The following UBXN8 variants were observed in gnomAD, a reference collection of about 807,000 sequenced individuals.
UBXN8 encodes the protein UBX domain-containing protein 8.
Under a neutral mutation model 32.1 loss-of-function variants are expected in UBXN8, and 27 were observed. The observed-to-expected ratio is 0.84, with a 90% CI of 0.62 to 1.16. The LOEUF is 1.16. Among genes scored for constraint, UBXN8 ranks in the 50% most tolerant of loss-of-function variants. UBXN8 has a pLI of 0.00. For missense variants in UBXN8, 306 were observed against 311.4 expected (o/e 0.98, Z 0.13); for synonymous variants, 109 against 111.8 (o/e 0.98, Z 0.16).
Position 30,752,112 on chromosome 8 carries a change from G to A in UBXN8, c.211+594G>A, listed in dbSNP as rs574915670. Among the ~76,000 whole-genome samples the A allele has an allele frequency of 7.2e-5, 11 of 152,082 alleles. No individual in the cohort carries two copies. The East Asian group carries it at 1.4e-3, about 19-fold the overall frequency. Reference sequence around the variant, plus strand: ...TCACCATGTTTACCAGGATGGTCTCGATCTCTTGACCTCGTGATCCGCCCA... The same window carrying A: ...TCACCATGTTTACCAGGATGGTCTCAATCTCTTGACCTCGTGATCCGCCCA... On this transcript the variant is annotated intron_variant, in intron 2 of 7. Transcript: ENST00000265616.
intron 3 of UBXN8, 49 bp from the exon 4 acceptor site, chr8:30,754,616 T>C: frequency 6.6e-7 from 1 of 1,513,262 alleles, no homozygotes; most frequent in South Asian, 1.4e-5. Flanking sequence ...TGTACATTTT[T>C]AGGAACATTA....
rs2128757689 is a variant in UBXN8 at position 30,766,717 on chromosome 8, C to T, written c.*323C>T. 1 of 158,900 alleles carries T rather than the reference C, an allele frequency of 6.3e-6. No individual in the cohort carries two copies. The highest frequency in any genetic ancestry group is 2.0e-4 in the South Asian group (1 of 5,072). The allele number at this position is 158,900 out of a possible 1,614,324, so 9.8% of individuals were successfully genotyped here. A position where few individuals can be genotyped will look rare whatever the true frequency, so the allele number is the denominator to read the frequency against. ...CAAACCCTTAGAACTTTCCTTTCTG[C>T]CTCTTCAATCCATCTTACCACACAA... On this transcript the variant is annotated 3_prime_UTR_variant, in exon 8 of 8. Transcript: ENST00000265616.
intron 1 of UBXN8, among the ~76,000 whole-genome samples, chr8:30,748,229 G>C (rs1207577213): frequency 2.6e-5 from 4 of 151,388 alleles, no homozygotes; most frequent in Non-Finnish European, 5.9e-5. Flanking sequence ...GGGTTCAAGT[G>C]ATTCTCCTGC....
chr8:30,765,069 C>A (rs1805962692), intron 7 of UBXN8, among the ~76,000 whole-genome samples: 1 of 151,934 alleles, frequency 6.6e-6, no homozygotes, highest in Non-Finnish European at 1.5e-5. Context: ...CAAAACAAAA[C>A]CTTTAATATT....
At chr8:30,748,469 A>G (rs1372225316) in intron 1 of UBXN8, among the ~76,000 whole-genome samples, 2 of 136,794 alleles carry the variant, frequency 1.5e-5, no homozygotes, top group African/African-American at 5.4e-5. Context: ...CATCTGAAAG[A>G]AAAAAAAAAA....
rs77644222 is a variant in UBXN8 at position 30,744,500 on chromosome 8, C to T, written c.88+223C>T. On this transcript the variant is annotated intron_variant, in intron 1 of 7. Coordinates refer to ENST00000265616, the MANE Select transcript of UBXN8 (RefSeq NM_005671.4). ...CGTGTAAGAGGGTAGAGGCAAAGAG[C>T]ACAGGGGCAATCATAGACAGTGCTT... 538 of 599,572 alleles carry T rather than the reference C, an allele frequency of 9.0e-4. 3 individuals carry two copies. Among genetic ancestry groups the T allele is most frequent in the African/African-American group, 8.6e-3 (463 of 54,016 alleles). The allele number at this position is 599,572 out of a possible 1,614,324, so 37.1% of individuals were successfully genotyped here. A position where few individuals can be genotyped will look rare whatever the true frequency, so the allele number is the denominator to read the frequency against.
chr8:30,741,937 G>A (rs571427006), upstream of UBXN8, among the ~76,000 whole-genome samples: 1 of 152,242 alleles, frequency 6.6e-6, no homozygotes, highest in East Asian at 1.9e-4. Context: ...GCCTTTTGTA[G>A]TCCAGAGAGA....
intron 2 of UBXN8, 21 bp from the exon 3 acceptor site, chr8:30,753,013 CT>C (rs1805554208): frequency 2.7e-6 from 4 of 1,495,456 alleles, no homozygotes; most frequent in African/African-American, 1.4e-5. Flanking sequence ...GTAAAAAGCA[CT>C]TTTATGTTTT....
In UBXN8 at chr8:30,736,806, T is replaced by C. The variant is rs192888727; in HGVS notation, c.622+3498T>C. Among the ~76,000 whole-genome samples, 79 of 152,284 alleles carry C rather than the reference T, an allele frequency of 5.2e-4. 1 individual carries two copies. The highest frequency in any genetic ancestry group is 1.7e-3 in the African/African-American group (72 of 41,560). On this transcript the variant is annotated intron_variant, in intron 1 of 1. Coordinates refer to the UBXN8 transcript ENST00000522968. Reference sequence around the variant, plus strand: ...TTTTTGAATTGTATTTTGCAATATTTAAGATAAACAAAGTACCTGTATAAA... The same window carrying C: ...TTTTTGAATTGTATTTTGCAATATTCAAGATAAACAAAGTACCTGTATAAA...
Position 30,747,185 on chromosome 8 carries a change from A to AT in UBXN8, c.88+2916dup, listed in dbSNP as rs1029643384. On this transcript the variant is annotated intron_variant, in intron 1 of 7. Coordinates refer to ENST00000265616, the MANE Select transcript of UBXN8 (RefSeq NM_005671.4). ...AAAACAAAAACGAAAAAACCTTAAA[A>AT]TTTTTTTTCTTTAAAGGTATACACA... 2.2e-5 allele frequency among the ~76,000 whole-genome samples: 3 copies of AT among 139,184 alleles called. 1 individual carries two copies. The highest frequency in any genetic ancestry group is 5.0e-4 in the South Asian group (2 of 3,978). The allele number at this position is 139,184 out of a possible 152,430, so 91.3% of individuals were successfully genotyped here.
chr8:30,752,933 G>C, intron 2 of UBXN8, 102 bp from the exon 3 acceptor site: 1 of 1,325,216 alleles, frequency 7.5e-7, no homozygotes. Context: ...CCCCATCATA[G>C]ACTTTAGATT....
intron 1 of UBXN8, among the ~76,000 whole-genome samples, chr8:30,736,249 A>G (rs1216293394): frequency 1.3e-5 from 2 of 152,254 alleles, no homozygotes; most frequent in East Asian, 3.8e-4. Context: ...TCAGAGGGAC[A>G]TAGCAAGTCT....
Position 30,751,507 on chromosome 8 carries a change from T to G in UBXN8, c.200T>G (p.Val67Gly). The stretch of plus-strand genomic sequence containing the variant: ...CTTAACTCATTTAAATCTCCCCAAG[T>G]TTATCTGAAGGGTAAGTTTATTATT... ...SWLNSFKSPQ[V>G]YLKEEEEKNE... The change falls in exon 2 of 8, where the codon GTT (valine) becomes GGT (glycine). Residue 67 changes from valine to glycine, a missense_variant. By Grantham distance (109) the Val-to-Gly change is moderately radical. Coordinates refer to ENST00000265616, the MANE Select transcript of UBXN8 (RefSeq NM_005671.4). 6.2e-7 allele frequency: 1 copy of G among 1,601,566 alleles called. No homozygotes were observed. Among genetic ancestry groups the G allele is most frequent in the Non-Finnish European group, 8.5e-7 (1 of 1,174,902 alleles).
intron 1 of UBXN8, among the ~76,000 whole-genome samples, chr8:30,749,769 C>T (rs1202681525): frequency 1.3e-5 from 2 of 151,934 alleles, no homozygotes; most frequent in African/African-American, 4.8e-5. Context: ...CCGCGCCCAG[C>T]TAATTTTTTG....
intron 1 of UBXN8, among the ~76,000 whole-genome samples, chr8:30,735,487 T>C (rs1769768785): frequency 6.6e-6 from 1 of 152,018 alleles, no homozygotes; most frequent in Non-Finnish European, 1.5e-5. Context: ...CTGGAGGCCA[T>C]GGTTGCAGTG....
upstream of UBXN8, among the ~76,000 whole-genome samples, chr8:30,730,049 C>T (rs947151350): frequency 2.0e-5 from 3 of 152,182 alleles, no homozygotes; most frequent in Non-Finnish European, 2.9e-5. Flanking sequence ...CAGTGGTGCC[C>T]TCCCCTTACC....
At chr8:30,760,554 G>A (rs1343962909) in intron 5 of UBXN8, among the ~76,000 whole-genome samples, 1 of 148,668 alleles carries the variant, frequency 6.7e-6, no homozygotes, top group Admixed American at 6.8e-5. Context: ...CTGGGATTAC[G>A]GACATGAGCC....
At chr8:30,729,196 G>A (rs529201460), upstream of UBXN8, among the ~76,000 whole-genome samples, 277 of 152,328 alleles carry the variant, frequency 1.8e-3, 1 homozygote, top group Non-Finnish European at 3.1e-3. Context: ...CAGCTTGAGC[G>A]ACGCGGATCC....
chr8:30,746,143 G>A (rs1297559366), intron 1 of UBXN8, among the ~76,000 whole-genome samples: 1 of 152,152 alleles, frequency 6.6e-6, no homozygotes. Flanking sequence ...CTAGGGACAA[G>A]GGTTCTATAA....
Sources: gnomAD v4.1 joint callset for allele counts (sites outside exome capture counted in the v4.1 genomes callset) on GRCh38, gnomAD v4.1.1 for gene constraint, MANE v1.5 for transcripts, NCBI Gene and HGNC (gene_info 2026-07-23, HGNC 2026-07-21) for gene names.